MRPS2: variants seen among roughly 807,000 people sequenced by gnomAD.
MRPS2 encodes mitochondrial ribosomal protein S2.
Under a neutral mutation model 18.9 loss-of-function variants are expected in MRPS2, and 13 were observed. That is an observed-to-expected ratio of 0.69 (90% CI 0.45 to 1.09). MRPS2 has a LOEUF of 1.09. Among genes scored for constraint, MRPS2 ranks in the 50% least tolerant of loss-of-function variants. The probability of loss-of-function intolerance (pLI) is 0.00; values close to 1 mark genes in which losing one functional copy is unlikely to be tolerated. For missense variants in MRPS2, 389 were observed against 421.7 expected (o/e 0.92, Z 0.68); for synonymous variants, 186 against 178.4 (o/e 1.04, Z -0.34).
At chr9:135,500,402 C>A (rs563528766), upstream of MRPS2, 27 of 393,172 alleles carry the variant, frequency 6.9e-5, no homozygotes, top group South Asian at 2.7e-3. Flanking sequence ...AGGCGAGGGT[C>A]CCCATCGCCC....
upstream of MRPS2, chr9:135,499,976 G>A (rs1831074717): frequency 8.4e-6 from 10 of 1,187,880 alleles, no homozygotes; most frequent in Non-Finnish European, 1.1e-5. Context: ...CTCTGCGGGT[G>A]GGTCCGGAAC....
intron 3 of MRPS2, chr9:135,503,181 C>G: frequency 9.1e-7 from 1 of 1,094,072 alleles, no homozygotes; most frequent in South Asian, 3.1e-5. Flanking sequence ...TCCGCAAAGC[C>G]TCGGGAAGAG....
At chr9:135,503,443 G>T in intron 3 of MRPS2, 99 bp from the exon 4 acceptor site, 2 of 1,407,412 alleles carry the variant, frequency 1.4e-6, no homozygotes, top group South Asian at 2.9e-5. Context: ...CCACAGAGGA[G>T]CCCGGGAGTC....
chr9:135,504,338 A>G lies in MRPS2; in HGVS notation c.*205A>G, dbSNP rs527908286. The G allele has an allele frequency of 2.9e-3, 1,760 of 607,776 alleles. 40 individuals are homozygous for G. The South Asian group carries it at 0.034, about 12-fold the overall frequency. 37.6% of individuals were successfully genotyped at this position (607,776 alleles called of 1,614,324 possible). ...GTTTGCTCTGTGGGGAACAGAGCAC[A>G]GAGGGTGAGCGACATGTGCAGAACG... On this transcript the variant is annotated 3_prime_UTR_variant, in exon 4 of 4. Coordinates refer to ENST00000241600, the MANE Select transcript of MRPS2 (RefSeq NM_016034.5). The surrounding 1 kb of genome is among the most constrained non-coding windows in gnomAD (Gnocchi z 4.3).
chr9:135,500,115 G>A (rs1269749657), upstream of MRPS2: 4 of 477,724 alleles, frequency 8.4e-6, no homozygotes, highest in East Asian at 7.7e-5. Context: ...GCATCAGGGC[G>A]TGGACTCCCG....
intron 2 of MRPS2, chr9:135,501,336 A>AGCG: frequency 1.4e-6 from 2 of 1,405,814 alleles, no homozygotes; most frequent in Non-Finnish European, 1.8e-6. Context: ...GGTGAGAGGG[A>AGCG]GCGGGCGGGC....
intron 2 of MRPS2, chr9:135,501,642 C>T (rs1831139848): frequency 1.4e-6 from 2 of 1,393,126 alleles, no homozygotes; most frequent in South Asian, 1.5e-5. Context: ...GGAGCAAGGT[C>T]GGGATCAGAA....
Position 135,501,840 on chromosome 9 carries a change from G to C in MRPS2, c.170-4G>C, listed in dbSNP as rs377751899. 3.7e-6 allele frequency: 6 copies of C among 1,613,140 alleles called. No homozygotes were observed. Among genetic ancestry groups the C allele is most frequent in the East Asian group, 2.2e-5 (1 of 44,856 alleles). ...CGCAGCGTCGCTCCTCCTCCCTGCC[G>C]TAGATTTCAACGACAAGATTTTGAA... On this transcript the variant is annotated splice_region_variant and splice_polypyrimidine_tract_variant and intron_variant, in intron 2 of 3. Coordinates refer to ENST00000241600, the MANE Select transcript of MRPS2 (RefSeq NM_016034.5).
chr9:135,504,056 C>G lies in MRPS2; in HGVS notation c.814C>G (p.Arg272Gly), dbSNP rs755760452. 6.2e-7 allele frequency: 1 copy of G among 1,612,942 alleles called. No homozygotes were observed. The highest frequency in any genetic ancestry group is 8.5e-7 in the Non-Finnish European group (1 of 1,180,040). Reference protein sequence around the residue: ...EKRQQVEALYRLQGQKEPGDQ... With the variant: ...EKRQQVEALYGLQGQKEPGDQ... The stretch of plus-strand genomic sequence containing the variant: ...GCGGCAGCAGGTTGAGGCTCTCTAT[C>G]GCCTGCAGGGCCAGAAGGAGCCCGG... The change falls in exon 4 of 4, where the codon CGC (arginine) becomes GGC (glycine). Residue 272 changes from arginine to glycine, a missense_variant. Physicochemically the swap from Arg to Gly is moderately radical, Grantham distance 125 (BLOSUM62 -2). Transcript: ENST00000241600. This position sits in a 1 kb window ranked among gnomAD's most constrained non-coding sequence, Gnocchi z 4.3.
chr9:135,504,181 G>C lies in MRPS2; in HGVS notation c.*48G>C. 2 of 1,482,698 alleles carry C rather than the reference G, an allele frequency of 1.3e-6. No individual in the cohort carries two copies. The highest frequency in any genetic ancestry group is 1.8e-6 in the Non-Finnish European group (2 of 1,115,068). The allele number at this position is 1,482,698 out of a possible 1,614,324, so 91.8% of individuals were successfully genotyped here. On this transcript the variant is annotated 3_prime_UTR_variant, in exon 4 of 4. Coordinates refer to ENST00000241600, the MANE Select transcript of MRPS2 (RefSeq NM_016034.5). This position sits in a 1 kb window ranked among gnomAD's most constrained non-coding sequence, Gnocchi z 4.3. ...AACCACAGCCAAGCCTGTCTGAGCT[G>C]GGAGTCCCCTTCCCCAGCCCTGGGT...
At chr9:135,500,513 G>A (rs944358943), upstream of MRPS2, 3 of 515,382 alleles carry the variant, frequency 5.8e-6, no homozygotes, top group East Asian at 3.5e-5. Context: ...CTCCCCGCCC[G>A]AGACTCTCAA....
In MRPS2 at chr9:135,501,848, C is replaced by A. The variant is rs1831150731; in HGVS notation, c.174C>A (p.Phe58Leu). Residue 58 changes from phenylalanine (F) to leucine (L), a missense_variant, in exon 3 of 4, where the codon TTC becomes TTA. By Grantham distance (22) the Phe-to-Leu change is conservative. Coordinates refer to ENST00000241600, the MANE Select transcript of MRPS2 (RefSeq NM_016034.5). ...CGCTCCTCCTCCCTGCCGTAGATTT[C>A]AACGACAAGATTTTGAATGAGCCCC... is the stretch of plus-strand genomic sequence containing the variant. Reference protein sequence around the residue: ...MIRESEDSTDFNDKILNEPLK... With the variant: ...MIRESEDSTDLNDKILNEPLK... The A allele has an allele frequency of 1.2e-6, 2 of 1,613,558 alleles. No individual in the cohort carries two copies. Among genetic ancestry groups the A allele is most frequent in the East Asian group, 4.5e-5 (2 of 44,882 alleles).
intron 2 of MRPS2, chr9:135,501,501 G>A: frequency 1.2e-6 from 1 of 813,318 alleles, no homozygotes; most frequent in South Asian, 2.7e-5. Flanking sequence ...TTTCTGGCTG[G>A]CCACCTGAGA....
rs144145656 is a variant in MRPS2, at chr9:135,501,654, C to G, written c.170-190C>G. 532 of 1,408,238 alleles carry G rather than the reference C, an allele frequency of 3.8e-4. 3 individuals are homozygous for G. In the African/African-American group the frequency reaches 6.7e-3, roughly 18 times the overall value. 87.2% of individuals were successfully genotyped at this position (1,408,238 alleles called of 1,614,324 possible). On this transcript the variant is annotated intron_variant, in intron 2 of 3. Coordinates refer to ENST00000241600, the MANE Select transcript of MRPS2 (RefSeq NM_016034.5). ...CCAGGAGCAAGGTCGGGATCAGAAC[C>G]TGGCTCCAGCCCTCTGTTTCCTGAA...
In MRPS2 at chr9:135,501,000, G is replaced by A. The variant is rs1831102361; in HGVS notation, c.46G>A (p.Ala16Thr). ...GACCTCTATCTACTTCCCCCCAGGT[G>A]CCCGGGCCCCGTCGCGCTGGTTGGG... ...AALPRILGAG[A>T]RAPSRWLGFL... Residue 16 changes from alanine to threonine, a missense_variant and splice_region_variant, in exon 2 of 4, where the codon GCC becomes ACC. By Grantham distance (58) the Ala-to-Thr change is moderately conservative. Coordinates refer to ENST00000241600, the MANE Select transcript of MRPS2 (RefSeq NM_016034.5). 3 of 1,611,778 alleles carry A rather than the reference G, an allele frequency of 1.9e-6. No homozygotes were observed. The highest frequency in any genetic ancestry group is 8.5e-7 in the Non-Finnish European group (1 of 1,179,518).
At chr9:135,503,161 A>C in intron 3 of MRPS2, 1 of 1,072,116 alleles carries the variant, frequency 9.3e-7, no homozygotes, top group Non-Finnish European at 1.1e-6. Flanking sequence ...CCAACCCCAG[A>C]GGGGCCTCAT....
In MRPS2 at chr9:135,503,751, A is replaced by G. The variant is rs1831212687; in HGVS notation, c.509A>G (p.Tyr170Cys). 3 of 1,612,860 alleles carry G rather than the reference A, an allele frequency of 1.9e-6. No homozygotes were observed. The highest frequency in any genetic ancestry group is 8.5e-7 in the Non-Finnish European group (1 of 1,179,976). The change falls in exon 4 of 4, where the codon TAC (tyrosine) becomes TGC (cysteine). Residue 170 changes from tyrosine (Y) to cysteine (C), a missense_variant. Physicochemically the swap from Tyr to Cys is radical, Grantham distance 194 (BLOSUM62 -2). Coordinates refer to ENST00000241600, the MANE Select transcript of MRPS2 (RefSeq NM_016034.5). ...TGTGGCGAGTACGCCCACACTCGCTACTTCAGGGGCGGCATGCTGACCAAC... is the reference window on the plus strand; with the variant it reads ...TGTGGCGAGTACGCCCACACTCGCTGCTTCAGGGGCGGCATGCTGACCAAC... ...RDCGEYAHTRYFRGGMLTNAR... is the reference protein window; with the variant it reads ...RDCGEYAHTRCFRGGMLTNAR...
chr9:135,500,994 C>A lies in MRPS2; in HGVS notation c.44-4C>A, dbSNP rs1334484768. The A allele has an allele frequency of 6.2e-7, 1 of 1,611,812 alleles. No individual in the cohort carries two copies. The highest frequency in any genetic ancestry group is 1.7e-5 in the Admixed American group (1 of 59,982). ...CGCCAGGACCTCTATCTACTTCCCC[C>A]CAGGTGCCCGGGCCCCGTCGCGCTG... is the stretch of plus-strand genomic sequence containing the variant. On this transcript the variant is annotated splice_polypyrimidine_tract_variant and splice_region_variant and intron_variant, in intron 1 of 3. Transcript: ENST00000241600.
upstream of MRPS2, chr9:135,500,355 G>A: frequency 2.7e-6 from 1 of 364,334 alleles, no homozygotes; most frequent in Non-Finnish European, 4.9e-6. Flanking sequence ...GAGAGCGAGA[G>A]GTTGCGCAGG....
Sources: allele counts gnomAD v4.1 joint callset, GRCh38; gene constraint gnomAD v4.1.1; non-coding constraint Gnocchi (gnomAD v3.1); transcripts MANE v1.5; gene names NCBI Gene and HGNC (gene_info 2026-07-23, HGNC 2026-07-21).